ARFGEF1: variants seen among roughly 807,000 people sequenced by gnomAD.
The protein encoded by ARFGEF1 is brefeldin A-inhibited guanine nucleotide-exchange protein 1.
ARFGEF1 carries 42 observed loss-of-function variants against 231.0 expected under a neutral mutation model. The ratio of observed to expected loss-of-function variants is 0.18; its 90% CI spans 0.14 to 0.24. The LOEUF (loss-of-function observed/expected upper bound fraction) is 0.24. ARFGEF1 is among the 10% of genes least tolerant of loss of function. The probability of loss-of-function intolerance (pLI) is 1.00; values close to 1 mark genes in which losing one functional copy is unlikely to be tolerated. For synonymous variants in ARFGEF1, 710 were observed against 732.3 expected (o/e 0.97, Z 0.49); for missense variants, 1,345 against 2,192.0 (o/e 0.61, Z 7.72).
chr8:67,206,412 A>T (rs1380163962), intron 34 of ARFGEF1, among the ~76,000 whole-genome samples: 122 of 135,020 alleles, frequency 9.0e-4, no homozygotes, highest in African/African-American at 3.7e-3. Flanking sequence ...TTTATCTTTA[A>T]AAAAAAAAAA....
intron 30 of ARFGEF1, among the ~76,000 whole-genome samples, chr8:67,218,607 A>T (rs555171251): frequency 1.3e-5 from 2 of 152,188 alleles, no homozygotes; most frequent in Non-Finnish European, 2.9e-5. Context: ...AAAACACCAT[A>T]AAAAAAGGGC....
Position 67,277,334 on chromosome 8 carries a change from T to C in ARFGEF1, c.1151A>G (p.Tyr384Cys). ...GIPGTPISVAYTPSLPDDRLS... is the reference protein window; with the variant it reads ...GIPGTPISVACTPSLPDDRLS... ...TCTATCATCAGGTAAGGATGGTGTA[T>C]ATGCAACAGAAATTGGTGTTCCTGG... The change falls in exon 8 of 39, where the codon TAT becomes TGT. Residue 384 changes from tyrosine to cysteine, a missense_variant. Around this residue, in one of 14 missense-constraint regions of ARFGEF1, gnomAD observed 398 missense variants for 463.2 expected, o/e 0.86. Coordinates refer to ENST00000262215, the MANE Select transcript of ARFGEF1 (RefSeq NM_006421.5). 6.2e-7 allele frequency: 1 copy of C among 1,613,750 alleles called. No homozygotes were observed. Among genetic ancestry groups the C allele is most frequent in the Non-Finnish European group, 8.5e-7 (1 of 1,179,810 alleles).
chr8:67,175,549 C>T (rs1831404450), exon 6 of ARFGEF1: 1 of 1,272,774 alleles, frequency 7.9e-7, no homozygotes, highest in Admixed American at 1.9e-5. Flanking sequence ...ACTGGCAGCC[C>T]CATGCTCACA....
At chr8:67,272,712 G>A (rs2128897063) in intron 9 of ARFGEF1, among the ~76,000 whole-genome samples, 1 of 152,196 alleles carries the variant, frequency 6.6e-6, no homozygotes, top group Middle Eastern at 3.4e-3. Flanking sequence ...AAAAGTTTTG[G>A]TTGCATTAAC....
chr8:67,257,144 T>C (rs1218637115), intron 17 of ARFGEF1, among the ~76,000 whole-genome samples: 1 of 152,026 alleles, frequency 6.6e-6, no homozygotes, highest in Non-Finnish European at 1.5e-5. Context: ...AGTGACACGA[T>C]CTCAGCTCAC....
intron 21 of ARFGEF1, 107 bp downstream of exon 21, chr8:67,238,628 A>C (rs935104962): frequency 7.0e-5 from 101 of 1,451,640 alleles, no homozygotes; most frequent in South Asian, 6.5e-4. Flanking sequence ...ACTTATTCGA[A>C]ATGTACTAAT....
At chr8:67,180,228 C>T (rs2129570784) in intron 5 of ARFGEF1, among the ~76,000 whole-genome samples, 1 of 152,254 alleles carries the variant, frequency 6.6e-6, no homozygotes, top group East Asian at 1.9e-4. Context: ...GTTAAAAAAA[C>T]TCTGGTACAT....
At chr8:67,228,890 T>G (rs1839468465) in intron 23 of ARFGEF1, among the ~76,000 whole-genome samples, 1 of 152,044 alleles carries the variant, frequency 6.6e-6, no homozygotes, top group South Asian at 2.1e-4. Context: ...CATAAACACA[T>G]TAGTCCTCCT....
At chr8:67,210,835 A>G (rs1045330074) in intron 34 of ARFGEF1, among the ~76,000 whole-genome samples, 3 of 151,860 alleles carry the variant, frequency 2.0e-5, no homozygotes, top group African/African-American at 7.3e-5. Context: ...CGGGCGGATC[A>G]TAAGGTCAGG....
rs1246170050 is a variant in ARFGEF1 at position 67,277,268 on chromosome 8, C to T, written c.1203+14G>A. The T allele has an allele frequency of 6.2e-7, 1 of 1,611,834 alleles. No homozygotes were observed. ...TAACAGGATTTCTCCCCCTCCCCAC[C>T]CCTCCATTTATACCTGAGTATCATT... On this transcript the variant is annotated intron_variant, in intron 8 of 38. Coordinates refer to ENST00000262215, the MANE Select transcript of ARFGEF1 (RefSeq NM_006421.5).
At chr8:67,235,977 A>C (rs1839719066) in intron 22 of ARFGEF1, among the ~76,000 whole-genome samples, 1 of 151,936 alleles carries the variant, frequency 6.6e-6, no homozygotes, top group Non-Finnish European at 1.5e-5. Context: ...TACATGGAAT[A>C]CTCACGGCAG....
At chr8:67,242,930 G>A (rs1839975737) in intron 19 of ARFGEF1, among the ~76,000 whole-genome samples, 1 of 152,198 alleles carries the variant, frequency 6.6e-6, no homozygotes, top group Non-Finnish European at 1.5e-5. Context: ...AGGCTCTTCT[G>A]CCTGTGAAAA....
At chr8:67,324,478 C>G (rs1188514898) in intron 1 of ARFGEF1, among the ~76,000 whole-genome samples, 2 of 152,164 alleles carry the variant, frequency 1.3e-5, no homozygotes, top group East Asian at 3.9e-4. Context: ...CTATGGCAAA[C>G]TCATCTAGTG....
chr8:67,317,266 G>A (rs866260837), intron 1 of ARFGEF1, among the ~76,000 whole-genome samples: 30 of 152,160 alleles, frequency 2.0e-4, no homozygotes, highest in Middle Eastern at 6.8e-3. Flanking sequence ...GTTGCTCTAC[G>A]TAACCGGAGG....
At chr8:67,233,626 T>G (rs1456312481) in intron 22 of ARFGEF1, among the ~76,000 whole-genome samples, 2 of 152,046 alleles carry the variant, frequency 1.3e-5, no homozygotes, top group Non-Finnish European at 2.9e-5. Context: ...ATCTCAGTCC[T>G]AGATTACTGA....
downstream of ARFGEF1, chr8:67,195,701 C>T (rs1425170668): frequency 1.3e-6 from 1 of 781,244 alleles, no homozygotes; most frequent in Non-Finnish European, 2.1e-6. Flanking sequence ...TACTTTTTTT[C>T]CATCATCTGT....
chr8:67,295,549 A>C (rs1806195549), intron 5 of ARFGEF1, among the ~76,000 whole-genome samples: 1 of 152,218 alleles, frequency 6.6e-6, no homozygotes, highest in South Asian at 2.1e-4. Flanking sequence ...AAAATTCAAC[A>C]AAATAAATTA....
At chr8:67,340,407 T>C (rs1489719768) in intron 1 of ARFGEF1, among the ~76,000 whole-genome samples, 1 of 152,200 alleles carries the variant, frequency 6.6e-6, no homozygotes, top group Non-Finnish European at 1.5e-5. Flanking sequence ...CAGTTTGCTT[T>C]CCCATCCTGC....
chr8:67,261,381 C>G (rs561450115), intron 14 of ARFGEF1, among the ~76,000 whole-genome samples: 15 of 152,104 alleles, frequency 9.9e-5, no homozygotes, highest in Non-Finnish European at 1.9e-4. Flanking sequence ...TTTACCATTC[C>G]AAAGATCCCA....
Sources: allele counts gnomAD v4.1 joint callset (sites outside exome capture counted in the v4.1 genomes callset), GRCh38; gene constraint gnomAD v4.1.1; regional missense constraint gnomAD v4.1.1; transcripts MANE v1.5; gene names NCBI Gene and HGNC (gene_info 2026-07-23, HGNC 2026-07-21).